Variants in ZFPM2 observed in about 807,000 individuals in gnomAD.
ZFPM2 encodes the protein zinc finger protein ZFPM2.
In ZFPM2, 20 loss-of-function variants were observed where a neutral mutation model predicts 98.6. The ratio of observed to expected loss-of-function variants is 0.20; its 90% confidence interval spans 0.14 to 0.29. The LOEUF is 0.29. ZFPM2 is among the 10% of genes least tolerant of loss of function. The pLI, the probability that ZFPM2 is intolerant of heterozygous loss-of-function variation, is 1.00. For synonymous variants in ZFPM2, 518 were observed against 502.7 expected (o/e 1.03, Z -0.41); for missense variants, 1,310 against 1,388.6 (o/e 0.94, Z 0.90).
intron 3 of ZFPM2, among the ~76,000 whole-genome samples, chr8:105,482,285 C>G (rs1346016095): frequency 6.6e-6 from 1 of 152,076 alleles, no homozygotes; most frequent in Admixed American, 6.6e-5. Context: ...ATTCTGTTTA[C>G]TCTGATATAG....
chr8:105,581,395 G>A (rs180869977), intron 4 of ZFPM2, among the ~76,000 whole-genome samples: 133 of 152,228 alleles, frequency 8.7e-4, no homozygotes, highest in African/African-American at 2.9e-3. Flanking sequence ...GATGCCTTTC[G>A]CAGTATCATG....
At chr8:105,471,670 G>A (rs762488826) in intron 3 of ZFPM2, among the ~76,000 whole-genome samples, 12 of 152,228 alleles carry the variant, frequency 7.9e-5, no homozygotes, top group African/African-American at 2.4e-4. Context: ...GTACGCAAGC[G>A]GAACCTTTTA....
intron 3 of ZFPM2, among the ~76,000 whole-genome samples, chr8:105,496,315 A>T (rs1201070288): frequency 1.3e-5 from 2 of 152,098 alleles, no homozygotes; most frequent in Non-Finnish European, 2.9e-5. Context: ...CCCAGCCAGC[A>T]TTGGTGGTTC....
At chr8:105,431,952 C>T (rs1422414810) in intron 2 of ZFPM2, among the ~76,000 whole-genome samples, 4 of 140,808 alleles carry the variant, frequency 2.8e-5, no homozygotes, top group Admixed American at 2.2e-4. Context: ...GACACTTAAG[C>T]TGGAGTAGAA....
At chr8:105,344,291 G>A (rs1474950585) in intron 1 of ZFPM2, among the ~76,000 whole-genome samples, 3 of 152,124 alleles carry the variant, frequency 2.0e-5, no homozygotes, top group Non-Finnish European at 4.4e-5. Context: ...TCTTCTGGAA[G>A]CTAAACAAGC....
chr8:105,375,043 T>C (rs1174926737), intron 1 of ZFPM2, among the ~76,000 whole-genome samples: 1 of 152,218 alleles, frequency 6.6e-6, no homozygotes, highest in African/African-American at 2.4e-5. Context: ...TCATGCTATC[T>C]TTGTTTGTAT....
At chr8:105,428,457 T>C (rs1349068298) in intron 2 of ZFPM2, among the ~76,000 whole-genome samples, 4 of 152,220 alleles carry the variant, frequency 2.6e-5, no homozygotes, top group African/African-American at 7.2e-5. Context: ...TTATACTAAC[T>C]GAAATTATAT....
At chr8:105,710,689 G>T (rs985697615) in intron 5 of ZFPM2, among the ~76,000 whole-genome samples, 3 of 134,950 alleles carry the variant, frequency 2.2e-5, no homozygotes, top group Non-Finnish European at 5.0e-5. Flanking sequence ...GTGTGTGTGT[G>T]TGTGTGTGTG....
At chr8:105,737,969 A>C (rs541801656) in intron 5 of ZFPM2, among the ~76,000 whole-genome samples, 2 of 144,978 alleles carry the variant, frequency 1.4e-5, no homozygotes, top group South Asian at 4.3e-4. Context: ...TATAACCAAG[A>C]ACCTAAAAAG....
At position 105,545,630 on chromosome 8, in the gene ZFPM2, GCTC is replaced by G. The variant is rs1219632441; in HGVS notation, c.302-15727_302-15725del. 2.5e-4 allele frequency among the ~76,000 whole-genome samples: 38 copies of G among 151,984 alleles called. 1 individual carries two copies. Among genetic ancestry groups the G allele is most frequent in the Admixed American group, 2.5e-3 (38 of 15,258 alleles). ...ATGGGCATTATTTTATTTCTTAATT[GCTC>G]CTCCTAAGTTTGTTGTGAAAGTGAG... On this transcript the variant is annotated intron_variant, in intron 3 of 7. Coordinates refer to ENST00000407775, the MANE Select transcript of ZFPM2 (RefSeq NM_012082.4).
chr8:105,693,007 G>C (rs4475446), intron 5 of ZFPM2, among the ~76,000 whole-genome samples: 31,742 of 152,166 alleles, frequency 0.21, 3,557 homozygotes, highest in South Asian at 0.33. Flanking sequence ...AGACAGAGGT[G>C]ATAGGTGGGC....
intron 3 of ZFPM2, among the ~76,000 whole-genome samples, chr8:105,493,995 G>A (rs747601515): frequency 1.3e-5 from 2 of 151,166 alleles, no homozygotes; most frequent in East Asian, 4.0e-4. Flanking sequence ...ATATTGTTGG[G>A]GTTGGCCTTC....
chr8:105,353,574 CTT>C (rs928350500), intron 1 of ZFPM2, among the ~76,000 whole-genome samples: 1 of 152,124 alleles, frequency 6.6e-6, no homozygotes, highest in African/African-American at 2.4e-5. Flanking sequence ...AACTGTGACT[CTT>C]TTATTTTTTG....
At position 105,549,338 on chromosome 8, in the gene ZFPM2, A is replaced by T. The variant is rs1405025065; in HGVS notation, c.302-12025A>T. 2.6e-5 allele frequency among the ~76,000 whole-genome samples: 4 copies of T among 152,192 alleles called. No homozygotes were observed. In the East Asian group the frequency reaches 7.7e-4, roughly 29 times the overall value. ...TAGATGTATTTTACAAGTTGGTTAA[A>T]GCGAGGGCATGAGATTTTCTAGTTT... On this transcript the variant is annotated intron_variant, in intron 3 of 7. Transcript: ENST00000407775.
intron 3 of ZFPM2, among the ~76,000 whole-genome samples, chr8:105,483,650 CTAT>C (rs1813168854): frequency 6.6e-6 from 1 of 150,986 alleles, no homozygotes; most frequent in Non-Finnish European, 1.5e-5. Flanking sequence ...AGATATAATT[CTAT>C]TATTTTCTGG....
At chr8:105,698,399 A>C (rs1811068364) in intron 5 of ZFPM2, among the ~76,000 whole-genome samples, 1 of 152,226 alleles carries the variant, frequency 6.6e-6, no homozygotes, top group South Asian at 2.1e-4. Flanking sequence ...CAAAGCTCCA[A>C]GATAACTTAT....
intron 1 of ZFPM2, among the ~76,000 whole-genome samples, chr8:105,374,749 A>G (rs1452120147): frequency 6.6e-6 from 1 of 152,198 alleles, no homozygotes; most frequent in African/African-American, 2.4e-5. Flanking sequence ...GCATAGGAAC[A>G]TAGGGCAGGT....
chr8:105,426,440 C>T (rs917553485), intron 2 of ZFPM2, among the ~76,000 whole-genome samples: 2 of 152,092 alleles, frequency 1.3e-5, no homozygotes, highest in Non-Finnish European at 2.9e-5. Context: ...TTGAACAGCC[C>T]CCAGCTTTGC....
intron 1 of ZFPM2, among the ~76,000 whole-genome samples, chr8:105,366,679 C>T (rs919350138): frequency 4.8e-5 from 6 of 124,422 alleles, no homozygotes; most frequent in Non-Finnish European, 6.6e-5. Flanking sequence ...CTCCCCCCAC[C>T]CCACCATAGT....
Sources: gnomAD v4.1 joint callset for allele counts (sites outside exome capture counted in the v4.1 genomes callset) on GRCh38, gnomAD v4.1.1 for gene constraint, MANE v1.5 for transcripts, NCBI Gene and HGNC (gene_info 2026-07-23, HGNC 2026-07-21) for gene names.